Variants in FARP1 observed in about 807,000 individuals in gnomAD.
The protein encoded by FARP1 is FERM, ARH/RhoGEF and pleckstrin domain protein 1.
Under a neutral mutation model 128.8 loss-of-function variants are expected in FARP1, and 52 were observed. The ratio of observed to expected loss-of-function variants is 0.40; its 90% CI spans 0.32 to 0.51. FARP1 has a LOEUF of 0.51. Among genes scored for constraint, FARP1 ranks in the 20% least tolerant of loss-of-function variants. The pLI, the probability that FARP1 is intolerant of heterozygous loss-of-function variation, is 0.45. For synonymous variants in FARP1, 580 were observed against 551.8 expected (o/e 1.05, Z -0.72); for missense variants, 1,333 against 1,367.9 (o/e 0.97, Z 0.40).
chr13:98,440,116 T>C lies in FARP1; in HGVS notation c.2517-7T>C, dbSNP rs760725863. On this transcript the variant is annotated splice_polypyrimidine_tract_variant and splice_region_variant and intron_variant, in intron 22 of 26. Transcript: ENST00000319562. ...GGCCTGAACACCTGACGCGTCTCTG[T>C]CTCCAGTTCTCGGTCCGAGATGGAG... is the stretch of plus-strand genomic sequence containing the variant. 1 of 1,612,640 alleles carries C rather than the reference T, an allele frequency of 6.2e-7. No individual in the cohort carries two copies. Among genetic ancestry groups the C allele is most frequent in the South Asian group, 1.1e-5 (1 of 91,030 alleles).
At position 98,246,144 on chromosome 13, in the gene FARP1, G is replaced by A. The variant is rs558847465; in HGVS notation, c.171+32731G>A. ...CGGAGTCTCGCTGTCACCCAGGCTG[G>A]AGTGCAGTGGCGCAATCTCGGCTCA... On this transcript the variant is annotated intron_variant, in intron 2 of 26. Coordinates refer to ENST00000319562, the MANE Select transcript of FARP1 (RefSeq NM_005766.4). Among the ~76,000 whole-genome samples the A allele has an allele frequency of 4.9e-5, 6 of 123,336 alleles. No individual in the cohort carries two copies. In the South Asian group the frequency reaches 1.6e-3, roughly 34 times the overall value. The allele number at this position is 123,336 out of a possible 152,430, so 80.9% of individuals were successfully genotyped here. A position where few individuals can be genotyped will look rare whatever the true frequency, so the allele number is the denominator to read the frequency against.
At chr13:98,295,764 A>C (rs538424908) in intron 2 of FARP1, among the ~76,000 whole-genome samples, 62 of 152,348 alleles carry the variant, frequency 4.1e-4, no homozygotes, top group African/African-American at 1.3e-3. Context: ...GACATCTAGC[A>C]TGTCAAGTAA....
At chr13:98,265,776 A>G (rs1884085263) in intron 2 of FARP1, among the ~76,000 whole-genome samples, 1 of 152,154 alleles carries the variant, frequency 6.6e-6, no homozygotes. Flanking sequence ...ACTCATGTAT[A>G]TGGGGCTTCT....
At chr13:98,172,086 C>T (rs1487356702) in intron 1 of FARP1, among the ~76,000 whole-genome samples, 1 of 152,068 alleles carries the variant, frequency 6.6e-6, no homozygotes, top group Non-Finnish European at 1.5e-5. Flanking sequence ...TAATGCAGGG[C>T]CATGGAAATC....
chr13:98,245,437 C>A, intron 2 of FARP1: 1 of 634,140 alleles, frequency 1.6e-6, no homozygotes, highest in Non-Finnish European at 2.0e-6. Context: ...TACACTGCAG[C>A]AACTAAGTAA....
intron 1 of FARP1, chr13:98,177,234 C>A: frequency 6.5e-7 from 1 of 1,549,124 alleles, no homozygotes; most frequent in South Asian, 1.2e-5. Context: ...GTGGCGCTGC[C>A]ATGTTTGAGT....
chr13:98,336,251 G>A lies in FARP1; in HGVS notation c.172-7511G>A, dbSNP rs148337457. Among the ~76,000 whole-genome samples, 69 of 152,098 alleles carry A rather than the reference G, an allele frequency of 4.5e-4. 4 individuals are homozygous for A. In the East Asian group the frequency reaches 0.01, roughly 23 times the overall value. ...GTTGTTTCTGTTGTTGTTTTTGTTC[G>A]TTTGTTTGTTTGTTTTGAGACAGGG... is the stretch of plus-strand genomic sequence containing the variant. On this transcript the variant is annotated intron_variant, in intron 2 of 26. Transcript: ENST00000319562.
At chr13:98,312,561 A>C (rs929296286) in intron 2 of FARP1, among the ~76,000 whole-genome samples, 1 of 152,204 alleles carries the variant, frequency 6.6e-6, no homozygotes, top group African/African-American at 2.4e-5. Context: ...TTTAATTTTG[A>C]TGATACAAGA....
intron 2 of FARP1, among the ~76,000 whole-genome samples, chr13:98,287,960 C>T (rs1040582010): frequency 2.0e-5 from 3 of 152,062 alleles, no homozygotes; most frequent in African/African-American, 7.2e-5. Flanking sequence ...CACCACCATG[C>T]CCGGCTAATT....
chr13:98,332,518 A>C (rs909366535), intron 2 of FARP1: 1 of 152,238 alleles, frequency 6.6e-6, no homozygotes, highest in South Asian at 2.1e-4. Context: ...AATGAAAAGT[A>C]AAAATGTTTG....
At chr13:98,401,280 A>AAAATGGTGT (rs1438585670) in intron 13 of FARP1, 1 of 152,214 alleles carries the variant, frequency 6.6e-6, no homozygotes, top group Admixed American at 6.5e-5. Flanking sequence ...AAACTTAATA[A>AAAATGGTGT]AAATGGTGTC....
At chr13:98,337,883 G>A (rs1362881717) in intron 2 of FARP1, among the ~76,000 whole-genome samples, 1 of 152,116 alleles carries the variant, frequency 6.6e-6, no homozygotes, top group Non-Finnish European at 1.5e-5. Flanking sequence ...AGCTCTTTGG[G>A]TAAAGAAATA....
chr13:98,419,561 C>A (rs1891514984), intron 16 of FARP1, among the ~76,000 whole-genome samples: 1 of 151,572 alleles, frequency 6.6e-6, no homozygotes. Flanking sequence ...ACCCAGCCAC[C>A]CTCCCCACCC....
chr13:98,156,415 T>G (rs1876498528), intron 1 of FARP1, among the ~76,000 whole-genome samples: 2 of 152,238 alleles, frequency 1.3e-5, no homozygotes, highest in South Asian at 4.1e-4. Context: ...TCACTTTATT[T>G]ATTGATTTTT....
At chr13:98,229,493 T>C (rs1179799556) in intron 2 of FARP1, among the ~76,000 whole-genome samples, 1 of 73,514 alleles carries the variant, frequency 1.4e-5, no homozygotes, top group African/African-American at 4.6e-5. Context: ...AATAACATAA[T>C]CTCAGATTTC....
At chr13:98,165,311 C>T (rs1470305815) in intron 1 of FARP1, among the ~76,000 whole-genome samples, 1 of 149,042 alleles carries the variant, frequency 6.7e-6, no homozygotes, top group African/African-American at 2.5e-5. Context: ...AATTTAAAAT[C>T]ATACTGTAAC....
chr13:98,262,209 A>G (rs871555), intron 2 of FARP1, among the ~76,000 whole-genome samples: 104,863 of 149,782 alleles, frequency 0.7, 37,114 homozygotes, highest in Non-Finnish European at 0.76. Context: ...TTAAAGAAAC[A>G]TGGTTTTACC....
intron 1 of FARP1, among the ~76,000 whole-genome samples, chr13:98,168,071 C>T (rs907250307): frequency 1.3e-5 from 2 of 151,804 alleles, no homozygotes; most frequent in African/African-American, 4.8e-5. Context: ...ACTTGGGAGG[C>T]TGAGGTGGGA....
Position 98,395,461 on chromosome 13 carries a change from C to A in FARP1, c.1399C>A (p.Pro467Thr), listed in dbSNP as rs1247476412. Residue 467 changes from proline to threonine, a missense_variant, in exon 13 of 27, where the codon CCG becomes ACG. Around this residue, in one of 2 missense-constraint regions of FARP1, gnomAD observed 1,009 missense variants for 969.8 expected, o/e 1.04. Coordinates refer to ENST00000319562, the MANE Select transcript of FARP1 (RefSeq NM_005766.4). ...DRTQQSKPQPPQPSTGSLTGS... is the reference protein window; with the variant it reads ...DRTQQSKPQPTQPSTGSLTGS... ...GACCCAGCAGAGTAAACCTCAGCCC[C>A]CGCAGCCAAGCACAGGTCCAGCATC... 1 of 1,589,134 alleles carries A rather than the reference C, an allele frequency of 6.3e-7. No individual in the cohort carries two copies. The highest frequency in any genetic ancestry group is 2.3e-5 in the East Asian group (1 of 44,096).
Sources: allele counts gnomAD v4.1 joint callset (sites outside exome capture counted in the v4.1 genomes callset), GRCh38; gene constraint gnomAD v4.1.1; regional missense constraint gnomAD v4.1.1; transcripts MANE v1.5; gene names NCBI Gene and HGNC (gene_info 2026-07-23, HGNC 2026-07-21).